DLG2: variants seen among roughly 807,000 people sequenced by gnomAD.
The protein encoded by DLG2 is disks large homolog 2.
Under a neutral mutation model 132.5 loss-of-function variants are expected in DLG2, and 45 were observed. That is an observed-to-expected ratio of 0.34 (90% CI 0.27 to 0.44). The LOEUF (loss-of-function observed/expected upper bound fraction) is 0.44, where lower values mean the gene tolerates loss of function less well. DLG2 is among the 20% of genes least tolerant of loss of function. The probability of loss-of-function intolerance (pLI) is 1.00; values close to 1 mark genes in which losing one functional copy is unlikely to be tolerated. For synonymous variants in DLG2, 424 were observed against 419.6 expected, an observed-to-expected ratio of 1.01 and a Z score of -0.13; for missense variants, 1,045 against 1,196.9, an observed-to-expected ratio of 0.87 and a Z score of 1.87.
intron 4 of DLG2, among the ~76,000 whole-genome samples, chr11:85,238,538 C>A (rs759443159): frequency 2.8e-4 from 43 of 152,090 alleles, no homozygotes; most frequent in Non-Finnish European, 5.0e-4. Context: ...GCCACTGTGT[C>A]CCACCTATCT....
intron 6 of DLG2, among the ~76,000 whole-genome samples, chr11:84,639,357 T>A (rs1404909471): frequency 6.6e-6 from 1 of 152,054 alleles, no homozygotes; most frequent in Non-Finnish European, 1.5e-5. Context: ...TGTTTTTTTT[T>A]TTTTTTTTGT....
At chr11:84,160,386 G>C (rs1359292285) in intron 9 of DLG2, among the ~76,000 whole-genome samples, 1 of 152,140 alleles carries the variant, frequency 6.6e-6, no homozygotes, top group Non-Finnish European at 1.5e-5. Context: ...TAAGAAGTCA[G>C]TTAGGTCTGA....
chr11:84,154,313 T>A (rs912665462), intron 9 of DLG2, among the ~76,000 whole-genome samples: 1 of 152,170 alleles, frequency 6.6e-6, no homozygotes, highest in Non-Finnish European at 1.5e-5. Flanking sequence ...TATTTTTAAA[T>A]ACAAAAGTAA....
chr11:84,562,032 T>C (rs1253379101), intron 6 of DLG2, among the ~76,000 whole-genome samples: 3 of 152,036 alleles, frequency 2.0e-5, no homozygotes, highest in African/African-American at 4.8e-5. Context: ...TATGTAACCA[T>C]AAGAATTTTT....
At chr11:84,558,707 A>G (rs12291072) in intron 6 of DLG2, among the ~76,000 whole-genome samples, 1 of 152,118 alleles carries the variant, frequency 6.6e-6, no homozygotes, top group African/African-American at 2.4e-5. Context: ...CTGCCTAAAC[A>G]TTCCAGCTCT....
intron 3 of DLG2, among the ~76,000 whole-genome samples, chr11:85,517,239 T>TA (rs1282722080): frequency 9.3e-5 from 14 of 150,834 alleles, no homozygotes; most frequent in Admixed American, 4.6e-4. Flanking sequence ...TATCATGATT[T>TA]AAAAAAAAAC....
At chr11:84,292,795 A>T (rs2098022735) in intron 7 of DLG2, among the ~76,000 whole-genome samples, 1 of 152,132 alleles carries the variant, frequency 6.6e-6, no homozygotes, top group Admixed American at 6.6e-5. Flanking sequence ...AAGGGAGATA[A>T]ATTAGATGTA....
At chr11:84,440,464 C>T (rs1222871271) in intron 7 of DLG2, among the ~76,000 whole-genome samples, 1 of 152,044 alleles carries the variant, frequency 6.6e-6, no homozygotes. Context: ...AAGTCATTGC[C>T]ATATTTATAC....
intron 6 of DLG2, among the ~76,000 whole-genome samples, chr11:84,956,702 ACC>A (rs2051728735): frequency 6.6e-6 from 1 of 152,174 alleles, no homozygotes; most frequent in African/African-American, 2.4e-5. Context: ...GAATCACAAA[ACC>A]TCAGCCTAAA....
At chr11:84,736,650 T>C (rs1006536705) in intron 6 of DLG2, among the ~76,000 whole-genome samples, 5 of 151,994 alleles carry the variant, frequency 3.3e-5, no homozygotes, top group African/African-American at 4.8e-5. Flanking sequence ...TATTTTATGG[T>C]ATTCTAAATG....
chr11:84,997,140 A>T (rs1203388184), intron 6 of DLG2: 2 of 153,184 alleles, frequency 1.3e-5, no homozygotes, highest in Non-Finnish European at 2.9e-5. Flanking sequence ...TAGGTAAAGT[A>T]TAAATTGAAA....
chr11:84,403,729 G>T (rs1298108627), intron 7 of DLG2, among the ~76,000 whole-genome samples: 1 of 152,146 alleles, frequency 6.6e-6, no homozygotes, highest in Non-Finnish European at 1.5e-5. Context: ...TCACTCATTT[G>T]ATTCGGGTGT....
intron 17 of DLG2, among the ~76,000 whole-genome samples, chr11:83,820,635 A>G (rs1272480520): frequency 2.0e-5 from 3 of 152,130 alleles, no homozygotes; most frequent in African/African-American, 7.2e-5. Context: ...TATTCCCTGG[A>G]GATAGTTGTT....
intron 3 of DLG2, among the ~76,000 whole-genome samples, chr11:85,502,757 CAT>C (rs1447349819): frequency 6.6e-6 from 1 of 151,970 alleles, no homozygotes; most frequent in African/African-American, 2.4e-5. Context: ...CCATGGCACA[CAT>C]ATACCTATGT....
chr11:83,481,140 G>A (rs373072989), intron 22 of DLG2, among the ~76,000 whole-genome samples: 4 of 151,994 alleles, frequency 2.6e-5, no homozygotes, highest in African/African-American at 4.8e-5. Context: ...CCTGATACAC[G>A]GTACAGGTTC....
intron 8 of DLG2, among the ~76,000 whole-genome samples, chr11:84,174,680 A>C (rs76503340): frequency 0.038 from 5,766 of 152,266 alleles, 364 homozygotes; most frequent in African/African-American, 0.13. Context: ...ATGGAGCTGC[A>C]TTCTATTGGT....
chr11:84,200,796 C>A (rs995941622), intron 8 of DLG2, among the ~76,000 whole-genome samples: 1 of 152,018 alleles, frequency 6.6e-6, no homozygotes, highest in Admixed American at 6.6e-5. Context: ...CACATTGATT[C>A]GGTATCCTGA....
intron 18 of DLG2, among the ~76,000 whole-genome samples, chr11:83,757,163 A>G (rs1225923296): frequency 6.6e-6 from 1 of 152,204 alleles, no homozygotes; most frequent in Non-Finnish European, 1.5e-5. Context: ...TTCACTATGA[A>G]GAAAAATGAG....
chr11:84,179,525 T>A (rs1050006195), intron 8 of DLG2, among the ~76,000 whole-genome samples: 5 of 152,134 alleles, frequency 3.3e-5, no homozygotes, highest in African/African-American at 1.2e-4. Flanking sequence ...CTGACAGTCA[T>A]GAACTCCAGA....
Sources: allele counts gnomAD v4.1 joint callset (sites outside exome capture counted in the v4.1 genomes callset), GRCh38; gene constraint gnomAD v4.1.1; transcripts MANE v1.5; gene names NCBI Gene and HGNC (gene_info 2026-07-23, HGNC 2026-07-21).